Variants in COL4A6 observed in about 807,000 individuals in gnomAD.
COL4A6 encodes collagen type IV alpha 6 chain.
COL4A6 carries 59 observed loss-of-function variants against 126.7 expected under a neutral mutation model. The ratio of observed to expected loss-of-function variants is 0.47; its 90% CI spans 0.38 to 0.58. The LOEUF (loss-of-function observed/expected upper bound fraction) is 0.58, where lower values mean the gene tolerates loss of function less well. Among genes scored for constraint, COL4A6 ranks in the 20% least tolerant of loss-of-function variants. The pLI, the probability that COL4A6 is intolerant of heterozygous loss-of-function variation, is 0.00. For missense variants in COL4A6, 1,285 were observed against 1,337.3 expected (o/e 0.96, Z 0.61); for synonymous variants, 547 against 496.6 (o/e 1.10, Z -1.35).
chrX:108,223,753 T>G (rs2036086169), intron 3 of COL4A6, among the ~76,000 whole-genome samples: 1 of 111,375 alleles, frequency 9.0e-6, no homozygotes, highest in South Asian at 3.8e-4. Flanking sequence ...TATGTCAGAA[T>G]GAGGCCAGGG....
rs193125109 is a variant in COL4A6, at chrX:108,234,005, T to C, written c.145-12631A>G. On this transcript the variant is annotated intron_variant, in intron 3 of 44. Transcript: ENST00000334504. ...CAAGTTCTGTGTGCAACAGGAAAGATGGGCAGTGGAGGTGGTGGCAGCTGT... is the reference window on the plus strand; with the variant it reads ...CAAGTTCTGTGTGCAACAGGAAAGACGGGCAGTGGAGGTGGTGGCAGCTGT... Among the ~76,000 whole-genome samples the C allele has an allele frequency of 2.7e-5, 3 of 112,082 alleles. No homozygotes were observed. In the East Asian group the frequency reaches 8.4e-4, roughly 32 times the overall value.
chrX:108,363,813 G>T (rs761731636), intron 2 of COL4A6, among the ~76,000 whole-genome samples: 1 of 111,863 alleles, frequency 8.9e-6, no homozygotes, highest in African/African-American at 3.3e-5. Context: ...TGATAGGGAA[G>T]TCTCTTAATT....
intron 2 of COL4A6, among the ~76,000 whole-genome samples, chrX:108,328,833 G>C (rs1204518215): frequency 8.9e-6 from 1 of 112,122 alleles, no homozygotes; most frequent in African/African-American, 3.2e-5. Context: ...ATCATTGGAT[G>C]GATGGATAAA....
chrX:108,175,321 G>C, intron 29 of COL4A6, 106 bp from the exon 30 acceptor site: 1 of 955,651 alleles, frequency 1.0e-6, no homozygotes, highest in Non-Finnish European at 1.4e-6. Context: ...CCTCTTTTGG[G>C]GCCTTTCCAT....
At chrX:108,268,566 C>G (rs2037371281) in intron 3 of COL4A6, 1 of 113,377 alleles carries the variant, frequency 8.8e-6, no homozygotes, top group African/African-American at 3.2e-5. Context: ...TCAGGCAAAA[C>G]AGTCATGAGT....
intron 16 of COL4A6, 145 bp downstream of exon 16, chrX:108,194,389 T>A: frequency 1.8e-6 from 1 of 570,709 alleles, no homozygotes; most frequent in Non-Finnish European, 2.8e-6. Flanking sequence ...GCTTTGTGTG[T>A]TCAAAGCAGA....
At chrX:108,233,247 A>G (rs2036354880) in intron 3 of COL4A6, among the ~76,000 whole-genome samples, 1 of 112,050 alleles carries the variant, frequency 8.9e-6, no homozygotes, top group South Asian at 3.7e-4. Flanking sequence ...GCTGTAGTGT[A>G]TCTATTCCAT....
At chrX:108,173,150 A>G (rs1339566292) in intron 31 of COL4A6, among the ~76,000 whole-genome samples, 1 of 112,263 alleles carries the variant, frequency 8.9e-6, no homozygotes, top group Non-Finnish European at 1.9e-5. Flanking sequence ...TTTTCTTGAT[A>G]TCTGTTATGG....
At chrX:108,438,117 A>G in intron 1 of COL4A6, 69 bp downstream of exon 1, 1 of 1,206,671 alleles carries the variant, frequency 8.3e-7, no homozygotes, top group Non-Finnish European at 1.1e-6. Flanking sequence ...AAGTACCAGT[A>G]TAGTCCCGGC....
intron 20 of COL4A6, 26 bp from the exon 21 acceptor site, chrX:108,188,703 G>T (rs760527112): frequency 6.4e-6 from 7 of 1,092,239 alleles, no homozygotes; most frequent in Non-Finnish European, 8.4e-6. Flanking sequence ...AACATAGAAC[G>T]AAGTGGGTCA....
chrX:108,383,725 G>GT (rs1263288678), intron 2 of COL4A6: 2 of 513,329 alleles, frequency 3.9e-6, no homozygotes, highest in Non-Finnish European at 7.1e-6. Flanking sequence ...GAGATATAAG[G>GT]TATCAGTCAC....
chrX:108,195,492 G>A (rs1198614990), intron 14 of COL4A6, among the ~76,000 whole-genome samples: 1 of 111,931 alleles, frequency 8.9e-6, no homozygotes, highest in Non-Finnish European at 1.9e-5. Flanking sequence ...GGCTGGTCTC[G>A]AACTCCTGAC....
At chrX:108,211,375 C>A in intron 7 of COL4A6, among the ~76,000 whole-genome samples, 1 of 112,524 alleles carries the variant, frequency 8.9e-6, no homozygotes, top group Non-Finnish European at 1.9e-5. Context: ...TATCTGCCTC[C>A]GGGAAATGTC....
chrX:108,338,583 A>C (rs2039487407), intron 2 of COL4A6, among the ~76,000 whole-genome samples: 1 of 111,989 alleles, frequency 8.9e-6, no homozygotes. Context: ...TGCTTTCATA[A>C]TGCACAATCG....
At chrX:108,300,366 CTGTGTGTG>C (rs3039370) in intron 3 of COL4A6, among the ~76,000 whole-genome samples, 2 of 98,174 alleles carry the variant, frequency 2.0e-5, no homozygotes, top group South Asian at 4.9e-4. Flanking sequence ...CTCTCTCTCT[CTGTGTGTG>C]TGTGTGTGTG....
chrX:108,318,624 A>G (rs948742773), intron 2 of COL4A6, among the ~76,000 whole-genome samples: 1 of 111,988 alleles, frequency 8.9e-6, no homozygotes, highest in African/African-American at 3.2e-5. Flanking sequence ...CCCATTCACA[A>G]TTGCTTCAAA....
chrX:108,297,932 C>G (rs1196820266), intron 3 of COL4A6, among the ~76,000 whole-genome samples: 1 of 108,926 alleles, frequency 9.2e-6, no homozygotes, highest in East Asian at 2.9e-4. Flanking sequence ...CCCCACACCT[C>G]TTTTTCTCTC....
At chrX:108,201,311 A>T (rs2035386852) in intron 13 of COL4A6, among the ~76,000 whole-genome samples, 1 of 112,050 alleles carries the variant, frequency 8.9e-6, no homozygotes, top group African/African-American at 3.2e-5. Flanking sequence ...AATCCATGAA[A>T]ATCTTGTCAG....
At chrX:108,343,939 AATTGAT>A (rs761678033) in intron 2 of COL4A6, among the ~76,000 whole-genome samples, 1 of 111,321 alleles carries the variant, frequency 9.0e-6, no homozygotes, top group Admixed American at 9.5e-5. Flanking sequence ...ACAATAGTGA[AATTGAT>A]TAGACAATCT....
Sources: allele counts gnomAD v4.1 joint callset (sites outside exome capture counted in the v4.1 genomes callset), GRCh38; gene constraint gnomAD v4.1.1; transcripts MANE v1.5; gene names NCBI Gene and HGNC (gene_info 2026-07-23, HGNC 2026-07-21).